HIPK4: variants seen among roughly 807,000 people sequenced by gnomAD.
HIPK4 encodes homeodomain-interacting protein kinase 4.
Under a neutral mutation model 44.8 loss-of-function variants are expected in HIPK4, and 26 were observed. The ratio of observed to expected loss-of-function variants is 0.58; its 90% CI spans 0.43 to 0.80. HIPK4 has a LOEUF of 0.80. Ranked by LOEUF, HIPK4 falls within the 30% of genes least tolerant of loss-of-function variation. The pLI is 0.00. For missense variants in HIPK4, 729 were observed against 862.6 expected (o/e 0.85, Z 1.94); for synonymous variants, 340 against 355.5 (o/e 0.96, Z 0.49).
Position 40,381,161 on chromosome 19 carries a change from GGGC to G in HIPK4, c.827_829del (p.Arg276del). Reference sequence around the variant, plus strand: ...GAGCATATACTTGCGGCGCTCCAATGGGCGCACCTGGCGGGGCATGGAGAAGGG... The same window carrying G: ...GAGCATATACTTGCGGCGCTCCAATGGCACCTGGCGGGGCATGGAGAAGGG... On this transcript the variant is annotated inframe_deletion, in exon 3 of 4. Transcript: ENST00000291823. The G allele has an allele frequency of 6.3e-7, 1 of 1,593,344 alleles. No individual in the cohort carries two copies. Among genetic ancestry groups the G allele is most frequent in the Non-Finnish European group, 8.5e-7 (1 of 1,173,946 alleles).
Position 40,380,499 on chromosome 19 carries a change from C to CGGACTTG in HIPK4, c.1485_1491dup (p.Asp498GlnfsTer18). 6.2e-7 allele frequency: 1 copy of CGGACTTG among 1,612,822 alleles called. No individual in the cohort carries two copies. The highest frequency in any genetic ancestry group is 8.5e-7 in the Non-Finnish European group (1 of 1,179,980). On this transcript the variant is annotated frameshift_variant, in exon 3 of 4. Transcript: ENST00000291823. LOFTEE classifies it high-confidence loss of function. The surrounding 1 kb of genome is among the most constrained non-coding windows in gnomAD (Gnocchi z 4.2). ...CGAATGAGGTTGCTGAAGTTGGAGT[C>CGGACTTG]GGACTTGGAACCCGCAGGTGGCTTG...
At chr19:40,385,683 C>CTTTTTTTTTTTTTTTTTTTTTTTTTTT (rs142414559) in intron 1 of HIPK4, among the ~76,000 whole-genome samples, 1 of 67,034 alleles carries the variant, frequency 1.5e-5, no homozygotes, top group Non-Finnish European at 2.8e-5. Flanking sequence ...CTTTTCTTTT[C>CTTTTTTTTTTTTTTTTTTTTTTTTTTT]TTTTTTTTTT....
At position 40,380,249 on chromosome 19, in the gene HIPK4, CAT is replaced by C; in HGVS notation, c.1668+72_1668+73del. 1 of 1,524,844 alleles carries C rather than the reference CAT, an allele frequency of 6.6e-7. No homozygotes were observed. The highest frequency in any genetic ancestry group is 8.8e-7 in the Non-Finnish European group (1 of 1,135,990). The allele number at this position is 1,524,844 out of a possible 1,614,324, so 94.5% of individuals were successfully genotyped here. On this transcript the variant is annotated intron_variant, in intron 3 of 3. Coordinates refer to ENST00000291823, the MANE Select transcript of HIPK4 (RefSeq NM_144685.5). The surrounding 1 kb of genome is among the most constrained non-coding windows in gnomAD (Gnocchi z 4.2). ...GTGTTGAGCCTCCTCACACACTAAT[CAT>C]ATCCTGAGCACGGGTGAGTGTGTGC...
Position 40,381,096 on chromosome 19 carries a change from C to T in HIPK4, c.895G>A (p.Val299Met). The T allele has an allele frequency of 6.2e-7, 1 of 1,611,580 alleles. No homozygotes were observed. Among genetic ancestry groups the T allele is most frequent in the Non-Finnish European group, 8.5e-7 (1 of 1,180,006 alleles). Reference sequence around the variant, plus strand: ...TCAGGGAAGGTTAGCCGACTGGCCACACTGCCACCATTCACTGTCTCAATC... The same window carrying T: ...TCAGGGAAGGTTAGCCGACTGGCCATACTGCCACCATTCACTGTCTCAATC... ...DQIETVNGGSVASRLTFPDRE... is the reference protein window; with the variant it reads ...DQIETVNGGSMASRLTFPDRE... The change falls in exon 3 of 4, where the codon GTG becomes ATG. Residue 299 changes from valine (V) to methionine (M), a missense_variant. Around this residue, in one of 2 missense-constraint regions of HIPK4, gnomAD observed 533 missense variants for 567.5 expected, o/e 0.94. Transcript: ENST00000291823.
Position 40,383,965 on chromosome 19 carries a change from G to T in HIPK4, c.640C>A (p.Leu214Ile). The T allele has an allele frequency of 6.2e-7, 1 of 1,614,186 alleles. No homozygotes were observed. Among genetic ancestry groups the T allele is most frequent in the Non-Finnish European group, 8.5e-7 (1 of 1,180,038 alleles). ...TCGTACTCGTTGTTGCCGGGGTAGA[G>T]AGGCCAGCCCAGGTGCAGCTCAGCC... The part of the protein sequence containing the change: ...VMAELHLGWP[L>I]YPGNNEYDQV... The change falls in exon 2 of 4, where the codon CTC becomes ATC. Residue 214 changes from leucine to isoleucine, a missense_variant. By Grantham distance (5) the Leu-to-Ile change is conservative (BLOSUM62 2). Around this residue, in one of 2 missense-constraint regions of HIPK4, gnomAD observed 533 missense variants for 567.5 expected, o/e 0.94. Coordinates refer to ENST00000291823, the MANE Select transcript of HIPK4 (RefSeq NM_144685.5).
chr19:40,389,624 C>A lies in HIPK4; in HGVS notation c.279G>T (p.Glu93Asp). Reference sequence around the variant, plus strand: ...CCTTCTGGAACTCGAAAAGGTTTTGCTCCAGCAGCTCAAAGACCAGGTAGA... The same window carrying A: ...CCTTCTGGAACTCGAAAAGGTTTTGATCCAGCAGCTCAAAGACCAGGTAGA... ...LKFYLVFELL[E>D]QNLFEFQKEN... is the part of the protein sequence containing the mutation. Residue 93 changes from glutamate (E) to aspartate (D), a missense_variant, in exon 1 of 4, where the codon GAG becomes GAT. Around this residue, in one of 2 missense-constraint regions of HIPK4, gnomAD observed 196 missense variants for 295.1 expected, o/e 0.66. Coordinates refer to ENST00000291823, the MANE Select transcript of HIPK4 (RefSeq NM_144685.5). This position sits in a 1 kb window ranked among gnomAD's most constrained non-coding sequence, Gnocchi z 4.6. 1 of 1,614,124 alleles carries A rather than the reference C, an allele frequency of 6.2e-7. No homozygotes were observed.
rs746510886 is a variant in HIPK4, at chr19:40,379,658, G to A, written c.1780C>T (p.Arg594Cys). 60 of 1,551,174 alleles carry A rather than the reference G, an allele frequency of 3.9e-5. No individual in the cohort carries two copies. The East Asian group carries it at 1.2e-3, about 32-fold the overall frequency. The change falls in exon 4 of 4, where the codon CGC (arginine) becomes TGC (cysteine). Residue 594 changes from arginine (R) to cysteine (C), a missense_variant. Transcript: ENST00000291823. ...RGPRAQGLPP[R>C]RSHQHGPPRG... is the part of the protein sequence containing the mutation. ...GGTGGACCATGCTGGTGGGAGCGGC[G>A]GGGTGGGAGCCCCTGAGCCCGTGGG...
At chr19:40,388,179 G>C (rs935913372) in intron 1 of HIPK4, among the ~76,000 whole-genome samples, 1 of 151,816 alleles carries the variant, frequency 6.6e-6, no homozygotes, top group South Asian at 2.1e-4. Context: ...CACCACACCC[G>C]GCTAATTTTT....
At chr19:40,385,181 C>T (rs190598930) in intron 1 of HIPK4, among the ~76,000 whole-genome samples, 27 of 152,276 alleles carry the variant, frequency 1.8e-4, no homozygotes, top group South Asian at 1.5e-3. Flanking sequence ...TCTCCCTGCT[C>T]CTCTCCTCTG....
intron 1 of HIPK4, among the ~76,000 whole-genome samples, chr19:40,388,062 G>A (rs1485598950): frequency 6.7e-6 from 1 of 149,350 alleles, no homozygotes; most frequent in East Asian, 2.0e-4. Context: ...TGTCGCCCAG[G>A]CTGGAGTGCA....
Position 40,389,487 on chromosome 19 carries a change from G to A in HIPK4, c.416C>T (p.Pro139Leu). 14 of 1,610,816 alleles carry A rather than the reference G, an allele frequency of 8.7e-6. No homozygotes were observed. Among genetic ancestry groups the A allele is most frequent in the Non-Finnish European group, 1.1e-5 (13 of 1,177,650 alleles). ...ELAIIHADLKPENIMLVDQTR... is the reference protein window; with the variant it reads ...ELAIIHADLKLENIMLVDQTR... The stretch of plus-strand genomic sequence containing the variant: ...CTGGTCCACCAGCATGATGTTCTCA[G>A]GCTTGAGATCAGCGTGGATGATAGC... The change falls in exon 1 of 4, where the codon CCT (proline) becomes CTT (leucine). Residue 139 changes from proline to leucine, a missense_variant. Transcript: ENST00000291823. This position sits in a 1 kb window ranked among gnomAD's most constrained non-coding sequence, Gnocchi z 4.6.
chr19:40,385,573 G>A (rs573717945), intron 1 of HIPK4, among the ~76,000 whole-genome samples: 1 of 151,278 alleles, frequency 6.6e-6, no homozygotes, highest in East Asian at 1.9e-4. Flanking sequence ...AAAAAAAAAT[G>A]ATCACCTTCT....
rs559482011 is a variant in HIPK4 at position 40,389,924 on chromosome 19, C to G, written c.-22G>C. On this transcript the variant is annotated 5_prime_UTR_variant, in exon 1 of 4. Coordinates refer to ENST00000291823, the MANE Select transcript of HIPK4 (RefSeq NM_144685.5). The surrounding 1 kb of genome is among the most constrained non-coding windows in gnomAD (Gnocchi z 4.6). Reference sequence around the variant, plus strand: ...ACATGGTGCCGCTGCTGCCAGACACCGCCCTGCCCAGGCCCCTGTACCACT... The same window carrying G: ...ACATGGTGCCGCTGCTGCCAGACACGGCCCTGCCCAGGCCCCTGTACCACT... 2.5e-6 allele frequency: 4 copies of G among 1,581,558 alleles called. No homozygotes were observed. The African/African-American group carries it at 5.4e-5, about 21-fold the overall frequency.
At chr19:40,384,556 C>T (rs1055353125) in intron 1 of HIPK4, among the ~76,000 whole-genome samples, 5 of 151,150 alleles carry the variant, frequency 3.3e-5, no homozygotes, top group Non-Finnish European at 5.9e-5. Context: ...CCACCCGCCT[C>T]GGCCTCCCAA....
chr19:40,385,665 T>C (rs1430177058), intron 1 of HIPK4, among the ~76,000 whole-genome samples: 1 of 151,174 alleles, frequency 6.6e-6, no homozygotes, highest in African/African-American at 2.4e-5. Context: ...GCCCCTGTTT[T>C]TCTTTTTCTT....
Position 40,380,263 on chromosome 19 carries a change from G to T in HIPK4, c.1668+60C>A. On this transcript the variant is annotated intron_variant, in intron 3 of 3. Coordinates refer to ENST00000291823, the MANE Select transcript of HIPK4 (RefSeq NM_144685.5). This position sits in a 1 kb window ranked among gnomAD's most constrained non-coding sequence, Gnocchi z 4.2. ...CACACACTAATCATATCCTGAGCAC[G>T]GGTGAGTGTGTGCTGAGCCTCCTCC... The T allele has an allele frequency of 1.3e-6, 2 of 1,563,576 alleles. No individual in the cohort carries two copies. The highest frequency in any genetic ancestry group is 1.2e-5 in the South Asian group (1 of 84,382).
At chr19:40,383,423 G>T (rs961944374) in intron 2 of HIPK4, among the ~76,000 whole-genome samples, 1 of 151,780 alleles carries the variant, frequency 6.6e-6, no homozygotes, top group African/African-American at 2.4e-5. Flanking sequence ...TGGTCTGATA[G>T]ATTTTTCTTT....
chr19:40,381,048 C>T lies in HIPK4; in HGVS notation c.943G>A (p.Ala315Thr), dbSNP rs1010853279. ...FPDREALAEH[A>T]DLKSMVELIK... ...AGCTCCACCATGCTCTTGAGGTCGG[C>T]GTGCTCCGCCAGCGCCTCCCGGTCA... is the stretch of plus-strand genomic sequence containing the variant. Residue 315 changes from alanine to threonine, a missense_variant, in exon 3 of 4, where the codon GCC becomes ACC. Physicochemically the swap from Ala to Thr is moderately conservative, Grantham distance 58. Around this residue, in one of 2 missense-constraint regions of HIPK4, gnomAD observed 533 missense variants for 567.5 expected, o/e 0.94. Transcript: ENST00000291823. 18 of 1,613,130 alleles carry T rather than the reference C, an allele frequency of 1.1e-5. No homozygotes were observed. Among genetic ancestry groups the T allele is most frequent in the African/African-American group, 1.1e-4 (8 of 74,922 alleles).
At position 40,389,527 on chromosome 19, in the gene HIPK4, G is replaced by T. The variant is rs144825243; in HGVS notation, c.376C>A (p.Arg126=). Residue 126 remains arginine, a synonymous_variant, in exon 1 of 4, where the codon CGG becomes AGG. Coordinates refer to ENST00000291823, the MANE Select transcript of HIPK4 (RefSeq NM_144685.5). This position sits in a 1 kb window ranked among gnomAD's most constrained non-coding sequence, Gnocchi z 4.6. ...TGGATGATAGCCAGCTCCTTGAGCC[G>T]GGCCAGGGCTGTGAGCACCTGCAGG... The part of the protein sequence containing the change: ...VTLQVLTALA[R]LKELAIIHAD... The T allele has an allele frequency of 6.2e-7, 1 of 1,613,714 alleles. No individual in the cohort carries two copies. The highest frequency in any genetic ancestry group is 1.3e-5 in the African/African-American group (1 of 74,944).
Sources: allele counts gnomAD v4.1 joint callset (sites outside exome capture counted in the v4.1 genomes callset), GRCh38; gene constraint gnomAD v4.1.1; regional missense constraint gnomAD v4.1.1; non-coding constraint Gnocchi (gnomAD v3.1); transcripts MANE v1.5; gene names NCBI Gene and HGNC (gene_info 2026-07-23, HGNC 2026-07-21).